RASAL2: variants seen among roughly 807,000 people sequenced by gnomAD.
RASAL2 encodes the protein ras GTPase-activating protein nGAP.
A neutral mutation model predicts 128.9 loss-of-function variants in RASAL2; 58 were observed. The observed-to-expected ratio is 0.45, with a 90% CI of 0.36 to 0.56. The LOEUF (loss-of-function observed/expected upper bound fraction) is 0.56, where lower values mean the gene tolerates loss of function less well. RASAL2 is among the 20% of genes least tolerant of loss of function. RASAL2 has a pLI of 0.00. For missense variants in RASAL2, 1,360 were observed against 1,601.6 expected (o/e 0.85, Z 2.57); for synonymous variants, 561 against 580.8 (o/e 0.97, Z 0.49).
chr1:178,460,475 A>G (rs1183606466), intron 14 of RASAL2, among the ~76,000 whole-genome samples: 2 of 152,202 alleles, frequency 1.3e-5, no homozygotes, highest in African/African-American at 4.8e-5. Flanking sequence ...GCATAAGCAC[A>G]TAATACATGT....
intron 13 of RASAL2, among the ~76,000 whole-genome samples, chr1:178,457,235 T>C (rs1386515961): frequency 6.6e-6 from 1 of 152,270 alleles, no homozygotes; most frequent in East Asian, 1.9e-4. Flanking sequence ...AAAACCATTT[T>C]ATAGCTGGCT....
At chr1:178,244,874 A>C (rs569801239) in intron 1 of RASAL2, among the ~76,000 whole-genome samples, 4 of 152,000 alleles carry the variant, frequency 2.6e-5, no homozygotes, top group African/African-American at 9.7e-5. Context: ...ATGGTTTCCA[A>C]CTTCATCCGT....
chr1:178,320,816 C>T (rs1668735249), intron 3 of RASAL2, among the ~76,000 whole-genome samples: 1 of 152,206 alleles, frequency 6.6e-6, no homozygotes. Context: ...TTGGCTCCTC[C>T]CCTCACTTTA....
chr1:178,164,719 C>G (rs1446946844), intron 1 of RASAL2, among the ~76,000 whole-genome samples: 1 of 151,268 alleles, frequency 6.6e-6, no homozygotes, highest in Non-Finnish European at 1.5e-5. Context: ...GATAAATTAC[C>G]TATTTTGGTG....
At chr1:178,368,903 A>G (rs1451563525) in intron 3 of RASAL2, among the ~76,000 whole-genome samples, 1 of 151,048 alleles carries the variant, frequency 6.6e-6, no homozygotes, top group Non-Finnish European at 1.5e-5. Context: ...GATTATAGGC[A>G]TGAACCACCA....
chr1:178,372,192 T>G (rs1671759733), intron 3 of RASAL2: 1 of 985,264 alleles, frequency 1.0e-6, no homozygotes, highest in African/African-American at 1.7e-5. Context: ...TTTTCTCACT[T>G]CATCATTCAG....
intron 1 of RASAL2, among the ~76,000 whole-genome samples, chr1:178,111,154 C>A (rs563590571): frequency 6.6e-6 from 1 of 152,304 alleles, no homozygotes; most frequent in South Asian, 2.1e-4. Flanking sequence ...CGATATTCTA[C>A]AATTGTTTGC....
chr1:178,411,127 CTAA>C (rs1674342806), intron 4 of RASAL2, among the ~76,000 whole-genome samples: 1 of 149,872 alleles, frequency 6.7e-6, no homozygotes, highest in Non-Finnish European at 1.5e-5. Flanking sequence ...TGCCTATCAA[CTAA>C]TGAGTGAATA....
intron 1 of RASAL2, among the ~76,000 whole-genome samples, chr1:178,113,079 G>A (rs1044713680): frequency 2.6e-5 from 4 of 151,652 alleles, no homozygotes; most frequent in African/African-American, 7.3e-5. Flanking sequence ...TTTTTAAATG[G>A]ATATCAAATA....
At position 178,141,193 on chromosome 1, in the gene RASAL2, C is replaced by CTTTTTTTTTTTT. The variant is rs71297900; in HGVS notation, c.202+46513_202+46524dup. Among the ~76,000 whole-genome samples the CTTTTTTTTTTTT allele has an allele frequency of 3.4e-3, 249 of 73,914 alleles. 2 individuals are homozygous for CTTTTTTTTTTTT. Among genetic ancestry groups the CTTTTTTTTTTTT allele is most frequent in the East Asian group, 6.3e-3 (13 of 2,052 alleles). 48.5% of individuals were successfully genotyped at this position (73,914 alleles called of 152,430 possible). On this transcript the variant is annotated intron_variant, in intron 1 of 17. Transcript: ENST00000367649. ...CTGGAGACCACTTTTCTTTTCTTTT[C>CTTTTTTTTTTTT]TTTTTTTTTTTTTTTTTTTTTTTTT...
intron 2 of RASAL2, among the ~76,000 whole-genome samples, chr1:178,289,659 C>T (rs1031602001): frequency 2.0e-5 from 3 of 152,142 alleles, no homozygotes; most frequent in Non-Finnish European, 4.4e-5. Flanking sequence ...CATTACACAT[C>T]TCCACTTGGA....
intron 1 of RASAL2, among the ~76,000 whole-genome samples, chr1:178,228,931 T>C (rs1663890408): frequency 6.6e-6 from 1 of 152,128 alleles, no homozygotes; most frequent in Non-Finnish European, 1.5e-5. Context: ...TATTATAGAC[T>C]CAAAGGAAGA....
At chr1:178,359,174 GTTTT>G (rs1308662415) in intron 3 of RASAL2, among the ~76,000 whole-genome samples, 1 of 151,964 alleles carries the variant, frequency 6.6e-6, no homozygotes, top group African/African-American at 2.4e-5. Context: ...ATGTCAACAC[GTTTT>G]TTGTTTTTTG....
intron 1 of RASAL2, among the ~76,000 whole-genome samples, chr1:178,151,850 G>A (rs969416188): frequency 2.0e-5 from 3 of 152,182 alleles, no homozygotes; most frequent in Admixed American, 2.0e-4. Context: ...CTGTTCCACT[G>A]TACCCAGAGG....
intron 4 of RASAL2, among the ~76,000 whole-genome samples, chr1:178,417,232 T>G (rs1322340864): frequency 6.6e-6 from 1 of 152,132 alleles, no homozygotes; most frequent in African/African-American, 2.4e-5. Flanking sequence ...ATGTTTCTAT[T>G]GATATATCCT....
At chr1:178,262,690 T>C (rs973869750) in intron 1 of RASAL2, among the ~76,000 whole-genome samples, 8 of 152,124 alleles carry the variant, frequency 5.3e-5, no homozygotes, top group Admixed American at 3.3e-4. Context: ...CAACTGTGAG[T>C]GGTAAGAGAC....
intron 3 of RASAL2, chr1:178,389,253 T>C: frequency 1.0e-6 from 1 of 983,622 alleles, no homozygotes; most frequent in Non-Finnish European, 1.2e-6. Flanking sequence ...TCTGAGAAGC[T>C]GGATTCCTTT....
chr1:178,140,688 A>C (rs1309813172), intron 1 of RASAL2, among the ~76,000 whole-genome samples: 5 of 152,138 alleles, frequency 3.3e-5, no homozygotes, highest in African/African-American at 1.2e-4. Flanking sequence ...ATTGTGTTGG[A>C]TGTACCACAG....
chr1:178,157,880 T>C (rs533720763), intron 1 of RASAL2, among the ~76,000 whole-genome samples: 1 of 152,300 alleles, frequency 6.6e-6, no homozygotes, highest in East Asian at 1.9e-4. Context: ...CATAAAAATA[T>C]CAATATTTTA....
Sources: gnomAD v4.1 joint callset for allele counts (sites outside exome capture counted in the v4.1 genomes callset) on GRCh38, gnomAD v4.1.1 for gene constraint, MANE v1.5 for transcripts, NCBI Gene and HGNC (gene_info 2026-07-23, HGNC 2026-07-21) for gene names.